Variants in CDH2 observed in about 807,000 individuals in gnomAD.
The protein encoded by CDH2 is cadherin-2.
In CDH2, 17 loss-of-function variants were observed where a neutral mutation model predicts 92.0. That is an observed-to-expected ratio of 0.18 (90% CI 0.13 to 0.28). CDH2 has a LOEUF of 0.28. Ranked by LOEUF, CDH2 falls within the 10% of genes least tolerant of loss-of-function variation. The pLI is 1.00. For synonymous variants in CDH2, 419 were observed against 415.9 expected (o/e 1.01, Z -0.09); for missense variants, 862 against 1,133.1 (o/e 0.76, Z 3.44).
chr18:28,177,107 C>A lies in CDH2; in HGVS notation c.-85G>T. ...GGAGGAGGAGGAGGCAGCGGCAGCACCAACAGCGGCGCGGAGAAACGGCTC... is the reference window on the plus strand; with the variant it reads ...GGAGGAGGAGGAGGCAGCGGCAGCAACAACAGCGGCGCGGAGAAACGGCTC... On this transcript the variant is annotated 5_prime_UTR_variant, in exon 1 of 16. Transcript: ENST00000269141. 3 of 1,014,582 alleles carry A rather than the reference C, an allele frequency of 3.0e-6. No homozygotes were observed. The highest frequency in any genetic ancestry group is 4.2e-6 in the Non-Finnish European group (3 of 712,400). 62.8% of individuals were successfully genotyped at this position (1,014,582 alleles called of 1,614,324 possible). A position where few individuals can be genotyped will look rare whatever the true frequency, so the allele number is the denominator to read the frequency against.
intron 1 of CDH2, among the ~76,000 whole-genome samples, chr18:28,158,688 A>T (rs950029744): frequency 1.3e-5 from 2 of 152,228 alleles, no homozygotes; most frequent in Non-Finnish European, 2.9e-5. Flanking sequence ...AGCCACTTCC[A>T]TAATATTACA....
At chr18:27,988,743 G>T (rs1409197906) in intron 10 of CDH2, 77 bp from the exon 11 acceptor site, 1 of 1,039,402 alleles carries the variant, frequency 9.6e-7, no homozygotes, top group Non-Finnish European at 1.4e-6. Flanking sequence ...AGTTCCAAAT[G>T]CAACTGGCTC....
At chr18:27,972,409 G>A (rs1411279005) in intron 14 of CDH2, among the ~76,000 whole-genome samples, 2 of 152,098 alleles carry the variant, frequency 1.3e-5, no homozygotes, top group Non-Finnish European at 2.9e-5. Context: ...CTCTATCACA[G>A]TGCATGAGAG....
chr18:28,086,672 T>C (rs762372554), intron 2 of CDH2, among the ~76,000 whole-genome samples: 73 of 148,938 alleles, frequency 4.9e-4, no homozygotes, highest in Non-Finnish European at 7.1e-4. Context: ...CAAGACACAC[T>C]AGGGGCTTGC....
intron 14 of CDH2, among the ~76,000 whole-genome samples, chr18:27,964,029 C>T (rs2011477662): frequency 6.6e-6 from 1 of 152,088 alleles, no homozygotes. Flanking sequence ...TGACCTATGG[C>T]CTATTTTTCT....
At chr18:28,041,650 G>A (rs1004485098) in intron 2 of CDH2, among the ~76,000 whole-genome samples, 2 of 152,102 alleles carry the variant, frequency 1.3e-5, no homozygotes, top group Non-Finnish European at 2.9e-5. Context: ...TCTTTCAGAC[G>A]AATCATTCTT....
Position 27,990,277 on chromosome 18 carries a change from C to A in CDH2, c.1418G>T (p.Gly473Val). The A allele has an allele frequency of 6.2e-7, 1 of 1,613,886 alleles. No homozygotes were observed. The highest frequency in any genetic ancestry group is 8.5e-7 in the Non-Finnish European group (1 of 1,179,856). Residue 473 changes from glycine (G) to valine (V), a missense_variant, in exon 10 of 16, where the codon GGA (glycine) becomes GTA (valine). Around this residue, in one of 5 missense-constraint regions of CDH2, gnomAD observed 564 missense variants for 722.2 expected, o/e 0.78. Coordinates refer to ENST00000269141, the MANE Select transcript of CDH2 (RefSeq NM_001792.5). ...AGTTGACTGAGGGGGGTGCTGAATT[C>A]CCTTGGCTAATGGCACTTGATTTTC... Reference protein sequence around the residue: ...AAENQVPLAKGIQHPPQSTAT... With the variant: ...AAENQVPLAKVIQHPPQSTAT...
At chr18:27,993,227 T>A (rs947716540) in intron 8 of CDH2, among the ~76,000 whole-genome samples, 3 of 152,212 alleles carry the variant, frequency 2.0e-5, no homozygotes, top group Non-Finnish European at 4.4e-5. Context: ...AAAATATTCA[T>A]AAGCATTTTG....
At chr18:28,033,085 A>G (rs2013738679) in intron 2 of CDH2, among the ~76,000 whole-genome samples, 1 of 152,108 alleles carries the variant, frequency 6.6e-6, no homozygotes, top group Non-Finnish European at 1.5e-5. Flanking sequence ...TCTGAGCACC[A>G]AAGAATAAAC....
At chr18:28,152,734 G>A (rs146373084) in intron 1 of CDH2, among the ~76,000 whole-genome samples, 8 of 152,264 alleles carry the variant, frequency 5.3e-5, no homozygotes, top group African/African-American at 1.2e-4. Flanking sequence ...AGCACAGACC[G>A]AATGCATCTG....
chr18:28,034,611 T>A (rs1400848556), intron 2 of CDH2, among the ~76,000 whole-genome samples: 1 of 152,018 alleles, frequency 6.6e-6, no homozygotes, highest in East Asian at 1.9e-4. Context: ...TAATGAATTT[T>A]AATTTATAAT....
At chr18:28,163,631 A>G (rs184654535) in intron 1 of CDH2, among the ~76,000 whole-genome samples, 3 of 152,362 alleles carry the variant, frequency 2.0e-5, no homozygotes, top group Admixed American at 6.5e-5. Context: ...AATAAACCAA[A>G]TAAGTAAATT....
chr18:28,081,552 A>G (rs2014829727), intron 2 of CDH2, among the ~76,000 whole-genome samples: 1 of 152,246 alleles, frequency 6.6e-6, no homozygotes, highest in South Asian at 2.1e-4. Flanking sequence ...AAGTCATGAT[A>G]TTATAAATCT....
In CDH2 at chr18:27,955,761, G is replaced by GTT. The variant is rs5823568; in HGVS notation, c.2515-3404_2515-3403dup. On this transcript the variant is annotated intron_variant, in intron 15 of 15. Coordinates refer to ENST00000269141, the MANE Select transcript of CDH2 (RefSeq NM_001792.5). ...ACAAATCTCTGTTTTCTTTATTTCTGTTTTTTTTTTTTTTTTTTTAAAGAG... is the reference window on the plus strand; with the variant it reads ...ACAAATCTCTGTTTTCTTTATTTCTGTTTTTTTTTTTTTTTTTTTTTAAAGAG... Among the ~76,000 whole-genome samples the GTT allele has an allele frequency of 3.4e-3, 376 of 111,708 alleles. 22 individuals are homozygous for GTT. Among genetic ancestry groups the GTT allele is most frequent in the African/African-American group, 0.012 (330 of 28,110 alleles). The allele number at this position is 111,708 out of a possible 152,430, so 73.3% of individuals were successfully genotyped here.
chr18:28,031,213 C>A (rs2013687593), intron 2 of CDH2, among the ~76,000 whole-genome samples: 1 of 151,802 alleles, frequency 6.6e-6, no homozygotes, highest in South Asian at 2.1e-4. Context: ...ATTGTAGTTT[C>A]ACCCTCCACC....
chr18:28,006,398 G>A (rs563884129), intron 5 of CDH2, among the ~76,000 whole-genome samples: 156 of 152,148 alleles, frequency 1.0e-3, no homozygotes, highest in African/African-American at 3.5e-3. Flanking sequence ...TAAACCAGTA[G>A]AGAAGACAGA....
At chr18:28,087,771 CAAAA>C (rs1292111660) in intron 2 of CDH2, among the ~76,000 whole-genome samples, 1 of 151,258 alleles carries the variant, frequency 6.6e-6, no homozygotes, top group East Asian at 1.9e-4. Context: ...CAAAACAAAA[CAAAA>C]AAAGAATGAA....
At chr18:28,053,757 C>G (rs1002865329) in intron 2 of CDH2, among the ~76,000 whole-genome samples, 1 of 152,116 alleles carries the variant, frequency 6.6e-6, no homozygotes, top group African/African-American at 2.4e-5. Flanking sequence ...TTTTTTAAGA[C>G]TATTGGTCTT....
At chr18:28,013,039 C>T (rs935250696) in intron 3 of CDH2, among the ~76,000 whole-genome samples, 3 of 152,076 alleles carry the variant, frequency 2.0e-5, no homozygotes, top group Non-Finnish European at 4.4e-5. Flanking sequence ...ATTATCATAA[C>T]GTTACTGAAG....
Sources: allele counts gnomAD v4.1 joint callset (sites outside exome capture counted in the v4.1 genomes callset), GRCh38; gene constraint gnomAD v4.1.1; regional missense constraint gnomAD v4.1.1; transcripts MANE v1.5; gene names NCBI Gene and HGNC (gene_info 2026-07-23, HGNC 2026-07-21).